Variants in PTPRK observed in about 807,000 individuals in gnomAD.
PTPRK encodes the protein receptor-type tyrosine-protein phosphatase kappa.
PTPRK carries 75 observed loss-of-function variants against 178.0 expected under a neutral mutation model. The observed-to-expected ratio is 0.42, with a 90% CI of 0.35 to 0.51. The LOEUF is 0.51. Ranked by LOEUF, PTPRK falls within the 20% of genes least tolerant of loss-of-function variation. The probability of loss-of-function intolerance (pLI) is 0.02; values close to 1 mark genes in which losing one functional copy is unlikely to be tolerated. For missense variants in PTPRK, 1,441 were observed against 1,797.8 expected, an observed-to-expected ratio of 0.80 and a Z score of 3.59; for synonymous variants, 637 against 620.6, an observed-to-expected ratio of 1.03 and a Z score of -0.39.
At chr6:128,217,310 C>G (rs1288288670) in intron 6 of PTPRK, among the ~76,000 whole-genome samples, 1 of 152,086 alleles carries the variant, frequency 6.6e-6, no homozygotes, top group African/African-American at 2.4e-5. Flanking sequence ...AGACATCAGA[C>G]AAGTTACACT....
chr6:128,231,122 A>G (rs2128279000), intron 5 of PTPRK, among the ~76,000 whole-genome samples: 1 of 152,342 alleles, frequency 6.6e-6, no homozygotes, highest in Non-Finnish European at 1.5e-5. Flanking sequence ...ACATATCCAA[A>G]ATGCCAGAAA....
intron 2 of PTPRK, among the ~76,000 whole-genome samples, chr6:128,375,214 A>AGTTTG (rs1836888238): frequency 6.6e-6 from 1 of 151,668 alleles, no homozygotes; most frequent in Non-Finnish European, 1.5e-5. Flanking sequence ...AAACTGTATA[A>AGTTTG]GTTTGTTTTC....
chr6:128,238,204 A>AAAAAAAAAAAAAAAG (rs1813699783), intron 5 of PTPRK: 1 of 395,902 alleles, frequency 2.5e-6, no homozygotes, highest in African/African-American at 2.3e-5. Flanking sequence ...AAAAAAAAAG[A>AAAAAAAAAAAAAAAG]AAAGAAAAAA....
chr6:128,138,180 C>T (rs1365379607), intron 7 of PTPRK, among the ~76,000 whole-genome samples: 2 of 151,914 alleles, frequency 1.3e-5, no homozygotes, highest in Non-Finnish European at 2.9e-5. Flanking sequence ...TATTATGAAA[C>T]AAAAGAGATA....
intron 15 of PTPRK, chr6:128,003,231 C>T: frequency 6.2e-7 from 1 of 1,604,108 alleles, no homozygotes; most frequent in Non-Finnish European, 8.5e-7. Context: ...GATCATTGGG[C>T]ACTGCAGGAA....
intron 1 of PTPRK, among the ~76,000 whole-genome samples, chr6:128,435,065 G>A (rs1332699895): frequency 1.1e-5 from 1 of 91,174 alleles, no homozygotes; most frequent in African/African-American, 7.9e-5. Flanking sequence ...AGGAAGGAAG[G>A]AAGGAAGGAA....
intron 3 of PTPRK, among the ~76,000 whole-genome samples, chr6:128,266,450 C>A (rs1342753564): frequency 6.6e-6 from 1 of 152,052 alleles, no homozygotes; most frequent in Non-Finnish European, 1.5e-5. Context: ...CTGGATTAGG[C>A]AGTTTTAAAA....
chr6:128,157,496 GGATT>G (rs1200237509), intron 7 of PTPRK, among the ~76,000 whole-genome samples: 6 of 151,776 alleles, frequency 4.0e-5, no homozygotes, highest in Non-Finnish European at 5.9e-5. Flanking sequence ...GGATTATTAT[GGATT>G]ATTATACAGC....
intron 21 of PTPRK, among the ~76,000 whole-genome samples, chr6:127,987,702 A>T (rs1776140641): frequency 6.6e-6 from 1 of 152,110 alleles, no homozygotes; most frequent in African/African-American, 2.4e-5. Flanking sequence ...TTGCTGCCTT[A>T]TTTCATTTGC....
At chr6:128,226,961 C>T (rs1316426344) in intron 5 of PTPRK, among the ~76,000 whole-genome samples, 2 of 151,556 alleles carry the variant, frequency 1.3e-5, no homozygotes, top group Non-Finnish European at 2.9e-5. Flanking sequence ...ATTTATTTTT[C>T]AGTCTGATTA....
chr6:128,006,151 A>AAAAAT lies in PTPRK; in HGVS notation c.2334-912_2334-908dup, dbSNP rs971422673. The stretch of plus-strand genomic sequence containing the variant: ...CAATAAAGCAGAAAAATGTGCGTTA[A>AAAAAT]AAAATAAAATAAAATAAAATAAAAT... On this transcript the variant is annotated intron_variant, in intron 14 of 29. Coordinates refer to ENST00000368226, the MANE Select transcript of PTPRK (RefSeq NM_002844.4). 495 of 790,602 alleles carry AAAAAT rather than the reference A, an allele frequency of 6.3e-4. 1 individual carries two copies. The highest frequency in any genetic ancestry group is 5.9e-4 in the Non-Finnish European group (309 of 526,376). 49.0% of individuals were successfully genotyped at this position (790,602 alleles called of 1,614,324 possible).
intron 3 of PTPRK, among the ~76,000 whole-genome samples, chr6:128,254,875 T>A (rs1458730215): frequency 6.6e-6 from 1 of 152,058 alleles, no homozygotes; most frequent in Non-Finnish European, 1.5e-5. Context: ...GAGAAATAAA[T>A]CCTTGGAACT....
chr6:127,993,280 C>G (rs1466277573), intron 18 of PTPRK, among the ~76,000 whole-genome samples: 1 of 151,608 alleles, frequency 6.6e-6, no homozygotes, highest in Non-Finnish European at 1.5e-5. Flanking sequence ...TTAATTTACA[C>G]ACACATAATT....
At chr6:128,266,363 G>A (rs73594656) in intron 3 of PTPRK, among the ~76,000 whole-genome samples, 5,744 of 152,210 alleles carry the variant, frequency 0.038, 363 homozygotes, top group African/African-American at 0.13. Context: ...CTTTCCAGTG[G>A]TCTGGCAGTG....
rs554561762 is a variant in PTPRK at position 128,362,444 on chromosome 6, C to G, written c.223+35122G>C. Among the ~76,000 whole-genome samples the G allele has an allele frequency of 2.6e-5, 4 of 152,238 alleles. No homozygotes were observed. The East Asian group carries it at 7.7e-4, about 29-fold the overall frequency. On this transcript the variant is annotated intron_variant, in intron 2 of 29. Transcript: ENST00000368226. ...TATCCAAATTACATCAATTTGTGTA[C>G]TCAACTTGTCTTTAAACCTATGATG... is the stretch of plus-strand genomic sequence containing the variant.
At chr6:128,398,252 C>A (rs1016086347) in intron 1 of PTPRK, among the ~76,000 whole-genome samples, 1 of 152,178 alleles carries the variant, frequency 6.6e-6, no homozygotes, top group African/African-American at 2.4e-5. Context: ...TGGTGGCCCG[C>A]AATCAACATT....
intron 1 of PTPRK, chr6:128,500,574 T>C (rs886926602): frequency 2.6e-5 from 4 of 152,220 alleles, no homozygotes; most frequent in Non-Finnish European, 4.4e-5. Flanking sequence ...ACAGAAGAGA[T>C]TGCTCTTTAA....
chr6:128,492,292 T>A (rs1853918994), intron 1 of PTPRK, among the ~76,000 whole-genome samples: 1 of 152,182 alleles, frequency 6.6e-6, no homozygotes, highest in Non-Finnish European at 1.5e-5. Context: ...GCAAATTCCA[T>A]CCATCCACCC....
intron 13 of PTPRK, among the ~76,000 whole-genome samples, chr6:128,013,003 G>GT (rs1258697741): frequency 6.7e-6 from 1 of 149,648 alleles, no homozygotes; most frequent in East Asian, 1.9e-4. Flanking sequence ...GCAGGCTTAT[G>GT]TCCCCCATCC....
Sources: gnomAD v4.1 joint callset for allele counts (sites outside exome capture counted in the v4.1 genomes callset) on GRCh38, gnomAD v4.1.1 for gene constraint, MANE v1.5 for transcripts, NCBI Gene and HGNC (gene_info 2026-07-23, HGNC 2026-07-21) for gene names.